CTNNA2: variants seen among roughly 807,000 people sequenced by gnomAD.
CTNNA2 encodes the protein catenin alpha 2.
CTNNA2 carries 42 observed loss-of-function variants against 101.0 expected under a neutral mutation model. The ratio of observed to expected loss-of-function variants is 0.42; its 90% CI spans 0.32 to 0.54. The LOEUF (loss-of-function observed/expected upper bound fraction) is 0.54, where lower values mean the gene tolerates loss of function less well. Among genes scored for constraint, CTNNA2 ranks in the 20% least tolerant of loss-of-function variants. The pLI, the probability that CTNNA2 is intolerant of heterozygous loss-of-function variation, is 0.14. For missense variants in CTNNA2, 871 were observed against 1,223.1 expected, an observed-to-expected ratio of 0.71 and a Z score of 4.29; for synonymous variants, 450 against 456.4, an observed-to-expected ratio of 0.99 and a Z score of 0.18.
chr2:79,835,666 G>GTTTTTTGTTTTTTTT (rs1679276639), intron 3 of CTNNA2, among the ~76,000 whole-genome samples: 11 of 58,634 alleles, frequency 1.9e-4, no homozygotes, highest in African/African-American at 7.3e-4. Context: ...GCCTCTCTTT[G>GTTTTTTGTTTTTTTT]TTTTTTTTTT....
chr2:80,064,151 C>G (rs781610238), intron 7 of CTNNA2, among the ~76,000 whole-genome samples: 1 of 152,220 alleles, frequency 6.6e-6, no homozygotes, highest in Non-Finnish European at 1.5e-5. Context: ...TTCCATGCAG[C>G]CTTCCTCATT....
At chr2:80,162,313 G>A (rs1704374021) in intron 7 of CTNNA2, 1 of 851,758 alleles carries the variant, frequency 1.2e-6, no homozygotes, top group Admixed American at 3.2e-5. Flanking sequence ...TTAAACTGTA[G>A]CTTTAAAAAA....
Position 79,874,146 on chromosome 2 carries a change from T to A in CTNNA2, c.656T>A (p.Met219Lys). The change falls in exon 6 of 19, where the codon ATG (methionine) becomes AAG (lysine). Residue 219 changes from methionine (M) to lysine (K), a missense_variant. Transcript: ENST00000402739. The stretch of plus-strand genomic sequence containing the variant: ...GGGGCTCTGAAGAAGAATGCCACAA[T>A]GCTGTACACGGCCTCTCAAGCATTT... ...ARGALKKNATMLYTASQAFLR... is the reference protein window; with the variant it reads ...ARGALKKNATKLYTASQAFLR... 6.2e-7 allele frequency: 1 copy of A among 1,614,162 alleles called. No individual in the cohort carries two copies. Among genetic ancestry groups the A allele is most frequent in the Non-Finnish European group, 8.5e-7 (1 of 1,180,038 alleles).
chr2:79,872,331 AT>A, intron 5 of CTNNA2, among the ~76,000 whole-genome samples: 1 of 151,892 alleles, frequency 6.6e-6, no homozygotes, highest in East Asian at 1.9e-4. Flanking sequence ...TTATGGAGAG[AT>A]TTTCACAACC....
intron 3 of CTNNA2, among the ~76,000 whole-genome samples, chr2:79,838,324 G>T (rs1218331655): frequency 6.6e-6 from 1 of 152,124 alleles, no homozygotes; most frequent in Admixed American, 6.5e-5. Flanking sequence ...TCAGAGGAAA[G>T]TATGCTGGCC....
intron 7 of CTNNA2, among the ~76,000 whole-genome samples, chr2:79,965,488 A>G (rs1238226572): frequency 6.6e-6 from 1 of 152,122 alleles, no homozygotes; most frequent in Non-Finnish European, 1.5e-5. Flanking sequence ...GCTTCACACT[A>G]TTGGAAGAAT....
chr2:80,574,196 C>T lies in CTNNA2; in HGVS notation c.1775C>T (p.Ala592Val), dbSNP rs1353502248. The change falls in exon 13 of 19, where the codon GCC becomes GTC. Residue 592 changes from alanine (A) to valine (V), a missense_variant. Physicochemically the swap from Ala to Val is moderately conservative, Grantham distance 64. Around this residue, in one of 5 missense-constraint regions of CTNNA2, gnomAD observed 647 missense variants for 831.5 expected, o/e 0.78. Transcript: ENST00000402739. ...MPRFAEQVEV[A>V]IEALSANVPQ... ...CGCTTCGCTGAACAAGTAGAGGTTG[C>T]CATTGAAGCCCTGAGTGCCAACGTT... is the stretch of plus-strand genomic sequence containing the variant. 2 of 1,613,170 alleles carry T rather than the reference C, an allele frequency of 1.2e-6. No homozygotes were observed. The highest frequency in any genetic ancestry group is 1.7e-6 in the Non-Finnish European group (2 of 1,179,558).
intron 4 of CTNNA2, among the ~76,000 whole-genome samples, chr2:79,414,065 A>G (rs1005013158): frequency 6.6e-6 from 1 of 150,978 alleles, no homozygotes; most frequent in South Asian, 2.1e-4. Flanking sequence ...GATAACATTG[A>G]CAACCAGCAT....
intron 9 of CTNNA2, among the ~76,000 whole-genome samples, chr2:80,529,223 TCA>T (rs1353324995): frequency 3.9e-5 from 6 of 152,310 alleles, no homozygotes; most frequent in Middle Eastern, 3.4e-3. Context: ...ACATGGAGTC[TCA>T]CAGATTTTTC....
At chr2:79,320,710 G>C (rs1341793352) in intron 3 of CTNNA2, among the ~76,000 whole-genome samples, 1 of 152,104 alleles carries the variant, frequency 6.6e-6, no homozygotes, top group African/African-American at 2.4e-5. Flanking sequence ...TGTGAGCATG[G>C]ATCAGAATCT....
intron 9 of CTNNA2, among the ~76,000 whole-genome samples, chr2:80,435,681 A>G (rs1052422790): frequency 2.0e-5 from 3 of 152,220 alleles, no homozygotes; most frequent in South Asian, 2.1e-4. Context: ...CATTCCATTC[A>G]TATCACCCAT....
intron 1 of CTNNA2, among the ~76,000 whole-genome samples, chr2:79,538,469 G>A (rs1253273729): frequency 1.3e-5 from 2 of 152,186 alleles, no homozygotes; most frequent in African/African-American, 2.4e-5. Context: ...TTACTGGATT[G>A]TAATAGTGAT....
chr2:79,416,460 A>G (rs1034937143), intron 4 of CTNNA2, among the ~76,000 whole-genome samples: 3 of 152,008 alleles, frequency 2.0e-5, no homozygotes, highest in African/African-American at 7.2e-5. Context: ...TCTCTGCAGC[A>G]TCACTGGCTG....
chr2:80,017,135 C>G (rs1401456992), intron 7 of CTNNA2, among the ~76,000 whole-genome samples: 1 of 152,110 alleles, frequency 6.6e-6, no homozygotes, highest in Non-Finnish European at 1.5e-5. Flanking sequence ...TTCCAGCCCC[C>G]AAAATGCACA....
intron 7 of CTNNA2, among the ~76,000 whole-genome samples, chr2:80,323,762 C>T (rs1678957311): frequency 6.6e-6 from 1 of 152,012 alleles, no homozygotes; most frequent in African/African-American, 2.4e-5. Context: ...CTAGCATCTG[C>T]CTGGGTTTCA....
At chr2:80,449,312 T>C (rs1230902978) in intron 9 of CTNNA2, among the ~76,000 whole-genome samples, 1 of 151,536 alleles carries the variant, frequency 6.6e-6, no homozygotes, top group Non-Finnish European at 1.5e-5. Flanking sequence ...AATAAATAAA[T>C]AAATAAATAA....
At chr2:79,700,269 A>G (rs1341599290) in intron 2 of CTNNA2, among the ~76,000 whole-genome samples, 1 of 152,152 alleles carries the variant, frequency 6.6e-6, no homozygotes, top group Middle Eastern at 3.2e-3. Flanking sequence ...TTGAAATTTT[A>G]ACACTATGAC....
At chr2:80,094,659 G>C (rs1232507141) in intron 7 of CTNNA2, among the ~76,000 whole-genome samples, 3 of 152,084 alleles carry the variant, frequency 2.0e-5, no homozygotes, top group Non-Finnish European at 2.9e-5. Flanking sequence ...TCTTCCATTT[G>C]TTTGTATCCT....
intron 3 of CTNNA2, among the ~76,000 whole-genome samples, chr2:79,347,788 CTTTTTTTTT>C (rs35044310): frequency 7.5e-6 from 1 of 132,688 alleles, no homozygotes; most frequent in Non-Finnish European, 1.6e-5. Context: ...CCTAGCCTTC[CTTTTTTTTT>C]TTTTTTTTTT....
Sources: allele counts gnomAD v4.1 joint callset (sites outside exome capture counted in the v4.1 genomes callset), GRCh38; gene constraint gnomAD v4.1.1; regional missense constraint gnomAD v4.1.1; transcripts MANE v1.5; gene names NCBI Gene and HGNC (gene_info 2026-07-23, HGNC 2026-07-21).